CDRT4: variants seen among roughly 807,000 people sequenced by gnomAD.
CDRT4 encodes the protein CMT1A duplicated region transcript 4 protein.
For synonymous variants in CDRT4, 64 were observed against 69.6 expected, an observed-to-expected ratio of 0.92 and a Z score of 0.40; for missense variants, 167 against 193.1, an observed-to-expected ratio of 0.87 and a Z score of 0.80.
At chr17:15,444,491 A>C (rs1488375122) in intron 2 of CDRT4, among the ~76,000 whole-genome samples, 1 of 152,198 alleles carries the variant, frequency 6.6e-6, no homozygotes, top group Non-Finnish European at 1.5e-5. Flanking sequence ...AAATTTGGGA[A>C]CTGCTGTTCT....
chr17:15,462,156 G>A (rs533767642), intron 1 of CDRT4, among the ~76,000 whole-genome samples: 16 of 78 alleles, frequency 0.21, no homozygotes, highest in South Asian at 0.46. Flanking sequence ...TAGGCCGGGC[G>A]TGGTCGTCAC....
Position 15,444,659 on chromosome 17 carries a change from C to G in CDRT4, c.-47-4374G>C, listed in dbSNP as rs1978934647. Among the ~76,000 whole-genome samples, 5 of 151,804 alleles carry G rather than the reference C, an allele frequency of 3.3e-5. No individual in the cohort carries two copies. The South Asian group carries it at 1.0e-3, about 32-fold the overall frequency. On this transcript the variant is annotated intron_variant, in intron 2 of 3. Transcript: ENST00000619038. ...TTGAGGCCAGGAGTTCGAGGCCAGTCTGGCCAGCATGACGAAACCCCGTCT... is the reference window on the plus strand; with the variant it reads ...TTGAGGCCAGGAGTTCGAGGCCAGTGTGGCCAGCATGACGAAACCCCGTCT...
intron 2 of CDRT4, among the ~76,000 whole-genome samples, chr17:15,442,000 T>G (rs1215578679): frequency 1.3e-5 from 2 of 152,206 alleles, no homozygotes; most frequent in Non-Finnish European, 2.9e-5. Context: ...GAATCTAAAG[T>G]CACCCATTCC....
intron 1 of CDRT4, among the ~76,000 whole-genome samples, chr17:15,463,804 G>A (rs1979869299): frequency 6.6e-6 from 1 of 152,194 alleles, no homozygotes; most frequent in Admixed American, 6.5e-5. Flanking sequence ...CATCAGAGAT[G>A]TGGGTGGCCT....
Position 15,450,837 on chromosome 17 carries a change from T to C in CDRT4, c.-48+2167A>G, listed in dbSNP as rs887857649. On this transcript the variant is annotated intron_variant, in intron 2 of 3. Coordinates refer to ENST00000619038, the MANE Select transcript of CDRT4 (RefSeq NM_001204477.2). This position sits in a 1 kb window ranked among gnomAD's most constrained non-coding sequence, Gnocchi z 4.2. ...TCTCAGAAAGAGGCATCATCATTCA[T>C]CGAATTGCCCAGTTCAAACATCTAA... Among the ~76,000 whole-genome samples, 1 of 152,204 alleles carries C rather than the reference T, an allele frequency of 6.6e-6. No homozygotes were observed. The highest frequency in any genetic ancestry group is 2.4e-5 in the African/African-American group (1 of 41,444).
intron 1 of CDRT4, among the ~76,000 whole-genome samples, chr17:15,461,008 A>G (rs1166256447): frequency 6.6e-6 from 1 of 152,042 alleles, no homozygotes; most frequent in East Asian, 1.9e-4. Context: ...GTGTTTGATC[A>G]TTTAAATCTT....
At chr17:15,451,415 C>A (rs937971374) in intron 2 of CDRT4, among the ~76,000 whole-genome samples, 10 of 152,156 alleles carry the variant, frequency 6.6e-5, no homozygotes, top group African/African-American at 1.2e-4. Context: ...CCAAAGAGGA[C>A]CCAGAGTGAT....
intron 3 of CDRT4, 110 bp downstream of exon 3, chr17:15,440,098 T>C: frequency 1.1e-6 from 1 of 936,750 alleles, no homozygotes; most frequent in East Asian, 2.9e-5. Flanking sequence ...TAAAAATATA[T>C]ATTAAAAAAA....
At chr17:15,449,536 C>A (rs1483545126) in intron 2 of CDRT4, among the ~76,000 whole-genome samples, 2 of 152,162 alleles carry the variant, frequency 1.3e-5, no homozygotes, top group African/African-American at 4.8e-5. Flanking sequence ...TTTTCCACTC[C>A]CCAAGCAACT....
At chr17:15,449,812 T>C (rs1215356530) in intron 2 of CDRT4, among the ~76,000 whole-genome samples, 1 of 152,242 alleles carries the variant, frequency 6.6e-6, no homozygotes, top group Non-Finnish European at 1.5e-5. Context: ...ACATGTGATA[T>C]TTTATTTTCT....
chr17:15,447,472 T>G (rs956314099), intron 2 of CDRT4, among the ~76,000 whole-genome samples: 1 of 152,234 alleles, frequency 6.6e-6, no homozygotes, highest in African/African-American at 2.4e-5. Context: ...CATGTTCTTC[T>G]TCCAGCATGC....
intron 1 of CDRT4, among the ~76,000 whole-genome samples, chr17:15,458,631 C>T (rs1239317031): frequency 6.6e-6 from 1 of 152,146 alleles, no homozygotes; most frequent in African/African-American, 2.4e-5. Flanking sequence ...TCCTGTATCC[C>T]CGTGACAGCC....
intron 2 of CDRT4, among the ~76,000 whole-genome samples, chr17:15,442,973 C>T (rs932034949): frequency 2.0e-5 from 3 of 152,112 alleles, no homozygotes; most frequent in Admixed American, 6.5e-5. Flanking sequence ...ACAGCATTGA[C>T]GGGAGGGGCA....
intron 3 of CDRT4, among the ~76,000 whole-genome samples, chr17:15,439,599 G>A (rs1044606881): frequency 2.6e-5 from 4 of 152,134 alleles, no homozygotes; most frequent in East Asian, 3.9e-4. Flanking sequence ...CAGCAACCCC[G>A]TTCCATCTCC....
intron 1 of CDRT4, among the ~76,000 whole-genome samples, chr17:15,459,439 C>CTTTTTTTTTTTTTTTT (rs35161691): frequency 1.9e-5 from 2 of 107,508 alleles, no homozygotes; most frequent in Admixed American, 1.0e-4. Flanking sequence ...CTTTTTTTTT[C>CTTTTTTTTTTTTTTTT]TTTTTTTTTT....
intron 2 of CDRT4, chr17:15,443,864 G>C: frequency 3.3e-6 from 2 of 603,420 alleles, no homozygotes; most frequent in East Asian, 3.9e-5. Context: ...TACAGAACAT[G>C]ATCAAGGGTG....
chr17:15,437,887 G>C lies in CDRT4; in HGVS notation c.345C>G (p.Ile115Met). ...CCGCATGTAAGTGTGTGGGTTCTGG[G>C]ATCATGGTAGGAGCCATGGCCAATA... Reference protein sequence around the residue: ...YSVLAMAPTMIPEPTHLHADS... With the variant: ...YSVLAMAPTMMPEPTHLHADS... The change falls in exon 4 of 4, where the codon ATC becomes ATG. Residue 115 changes from isoleucine to methionine, a missense_variant. By Grantham distance (10) the Ile-to-Met change is conservative. Coordinates refer to ENST00000619038, the MANE Select transcript of CDRT4 (RefSeq NM_001204477.2). 6.2e-7 allele frequency: 1 copy of C among 1,614,172 alleles called. No individual in the cohort carries two copies. Among genetic ancestry groups the C allele is most frequent in the East Asian group, 2.2e-5 (1 of 44,872 alleles).
chr17:15,454,547 T>C (rs1428221777), intron 1 of CDRT4, among the ~76,000 whole-genome samples: 1 of 152,160 alleles, frequency 6.6e-6, no homozygotes, highest in Non-Finnish European at 1.5e-5. Context: ...TCACCAGCCA[T>C]GTCCGCTCTC....
At chr17:15,447,188 A>G (rs966783767) in intron 2 of CDRT4, among the ~76,000 whole-genome samples, 18 of 152,248 alleles carry the variant, frequency 1.2e-4, no homozygotes, top group African/African-American at 4.1e-4. Context: ...TACATGTTCC[A>G]TCAACCACTC....
Sources: allele counts gnomAD v4.1 joint callset (sites outside exome capture counted in the v4.1 genomes callset), GRCh38; gene constraint gnomAD v4.1.1; non-coding constraint Gnocchi (gnomAD v3.1); transcripts MANE v1.5; gene names NCBI Gene and HGNC (gene_info 2026-07-23, HGNC 2026-07-21).